Variants in GRIK1 observed in about 807,000 individuals in gnomAD.
GRIK1 encodes glutamate receptor ionotropic, kainate 1.
Under a neutral mutation model 105.7 loss-of-function variants are expected in GRIK1, and 69 were observed. The ratio of observed to expected loss-of-function variants is 0.65; its 90% confidence interval spans 0.54 to 0.80. The LOEUF (loss-of-function observed/expected upper bound fraction) is 0.80. Among genes scored for constraint, GRIK1 ranks in the 30% least tolerant of loss-of-function variants. The pLI is 0.00. For missense variants in GRIK1, 1,109 were observed against 1,167.3 expected, an observed-to-expected ratio of 0.95 and a Z score of 0.73; for synonymous variants, 438 against 431.3, an observed-to-expected ratio of 1.02 and a Z score of -0.19.
At chr21:29,557,067 A>C (rs1342522518) in intron 15 of GRIK1, among the ~76,000 whole-genome samples, 1 of 152,168 alleles carries the variant, frequency 6.6e-6, no homozygotes, top group African/African-American at 2.4e-5. Flanking sequence ...AAGGGTTGGA[A>C]AGTGCCAACA....
chr21:29,587,461 G>T lies in GRIK1; in HGVS notation c.1698C>A (p.Gly566=). 6.2e-7 allele frequency: 1 copy of T among 1,613,070 alleles called. No homozygotes were observed. The highest frequency in any genetic ancestry group is 8.5e-7 in the Non-Finnish European group (1 of 1,179,092). The change falls in exon 12 of 18, where the codon GGC becomes GGA. Residue 566 remains glycine (G), a synonymous_variant. Coordinates refer to ENST00000327783, the MANE Select transcript of GRIK1 (RefSeq NM_001330994.2). ...LYRKPNGTNP[G]VFSFLNPLSP... ...ACAGGGGGTTGAGGAAGGAGAAAAC[G>T]CCTGGATTGGTACCATTGGGCTTCC... is the stretch of plus-strand genomic sequence containing the variant.
intron 1 of GRIK1, among the ~76,000 whole-genome samples, chr21:29,801,352 G>T (rs979319087): frequency 6.6e-6 from 1 of 151,676 alleles, no homozygotes; most frequent in Non-Finnish European, 1.5e-5. Flanking sequence ...TAGCTGACAC[G>T]GTCCAAAAAG....
intron 1 of GRIK1, among the ~76,000 whole-genome samples, chr21:29,878,268 A>G (rs759024913): frequency 1.2e-4 from 19 of 152,176 alleles, no homozygotes; most frequent in Non-Finnish European, 2.2e-4. Context: ...GCAAGGGTTA[A>G]TAAGGAAGTG....
At chr21:29,611,298 T>C (rs1257559760) in intron 7 of GRIK1, among the ~76,000 whole-genome samples, 6 of 152,168 alleles carry the variant, frequency 3.9e-5, no homozygotes, top group Non-Finnish European at 8.8e-5. Flanking sequence ...GTACAGAAGA[T>C]GACCTCAAAG....
At chr21:29,768,579 C>A (rs926909582) in intron 1 of GRIK1, among the ~76,000 whole-genome samples, 1 of 152,156 alleles carries the variant, frequency 6.6e-6, no homozygotes, top group Admixed American at 6.5e-5. Context: ...TCACTCCCAT[C>A]GGTTAAGAAT....
chr21:29,683,341 A>G (rs1460084148), intron 3 of GRIK1, among the ~76,000 whole-genome samples: 1 of 152,230 alleles, frequency 6.6e-6, no homozygotes, highest in Non-Finnish European at 1.5e-5. Flanking sequence ...TCATTACAGC[A>G]CTATTCACAA....
chr21:29,544,532 G>C (rs1039595884), intron 16 of GRIK1, among the ~76,000 whole-genome samples: 3 of 152,176 alleles, frequency 2.0e-5, no homozygotes, highest in South Asian at 4.2e-4. Context: ...CACTTTTCAA[G>C]TTACAGCAAG....
intron 1 of GRIK1, among the ~76,000 whole-genome samples, chr21:29,904,265 G>C (rs1215870327): frequency 6.6e-6 from 1 of 151,316 alleles, no homozygotes; most frequent in Non-Finnish European, 1.5e-5. Flanking sequence ...AGAACTTAAA[G>C]TATAATAATC....
At chr21:29,688,560 A>G (rs538923049) in intron 3 of GRIK1, among the ~76,000 whole-genome samples, 2 of 152,238 alleles carry the variant, frequency 1.3e-5, no homozygotes, top group Non-Finnish European at 2.9e-5. Context: ...TATTCTATCC[A>G]TGTGGAATTA....
intron 1 of GRIK1, among the ~76,000 whole-genome samples, chr21:29,821,384 G>T (rs1482758011): frequency 6.6e-6 from 1 of 152,016 alleles, no homozygotes; most frequent in African/African-American, 2.4e-5. Context: ...TTCTTGTAGT[G>T]TTGTGACATT....
At chr21:29,895,008 A>T (rs531192933) in intron 1 of GRIK1, among the ~76,000 whole-genome samples, 1 of 152,212 alleles carries the variant, frequency 6.6e-6, no homozygotes, top group Non-Finnish European at 1.5e-5. Context: ...CAAATATTCA[A>T]TTAAGATGCT....
intron 1 of GRIK1, among the ~76,000 whole-genome samples, chr21:29,846,700 TGAGAAGG>T (rs3054374): frequency 0.31 from 47,362 of 151,646 alleles, 7,880 homozygotes; most frequent in East Asian, 0.46. Context: ...GCTTAAAGAA[TGAGAAGG>T]GAGAAGGTAT....
chr21:29,893,320 GA>G (rs926756294), intron 1 of GRIK1, among the ~76,000 whole-genome samples: 2 of 152,092 alleles, frequency 1.3e-5, no homozygotes, highest in African/African-American at 4.8e-5. Flanking sequence ...ACAAAATAGA[GA>G]TAAGTATGGT....
chr21:29,569,835 C>A (rs1185714134), intron 14 of GRIK1, among the ~76,000 whole-genome samples: 2 of 152,138 alleles, frequency 1.3e-5, no homozygotes, highest in Admixed American at 1.3e-4. Flanking sequence ...TTTCTGACTT[C>A]CTGTGGGAGA....
intron 6 of GRIK1, among the ~76,000 whole-genome samples, chr21:29,643,348 C>T (rs1601353408): frequency 6.6e-6 from 1 of 152,168 alleles, no homozygotes; most frequent in Non-Finnish European, 1.5e-5. Flanking sequence ...AGATTTGTTT[C>T]TCAGCATTTG....
At chr21:29,779,066 G>C (rs1227695615) in intron 1 of GRIK1, among the ~76,000 whole-genome samples, 1 of 152,170 alleles carries the variant, frequency 6.6e-6, no homozygotes, top group Non-Finnish European at 1.5e-5. Context: ...CTCACAGATA[G>C]GCTACCCAGC....
intron 1 of GRIK1, among the ~76,000 whole-genome samples, chr21:29,933,398 C>G (rs2146366395): frequency 6.6e-6 from 1 of 152,242 alleles, no homozygotes; most frequent in Admixed American, 6.5e-5. Context: ...ACATTAATAG[C>G]TACGATTCAA....
chr21:29,871,515 G>A (rs2069010673), intron 1 of GRIK1, among the ~76,000 whole-genome samples: 1 of 152,122 alleles, frequency 6.6e-6, no homozygotes, highest in Non-Finnish European at 1.5e-5. Flanking sequence ...TTTTCACTAT[G>A]TAAGTGGACC....
chr21:29,761,782 T>C (rs1483652281), intron 1 of GRIK1, among the ~76,000 whole-genome samples: 3 of 149,358 alleles, frequency 2.0e-5, no homozygotes, highest in African/African-American at 4.9e-5. Flanking sequence ...AGTTTAGCTC[T>C]TGTTGCCCAG....
Sources: allele counts gnomAD v4.1 joint callset (sites outside exome capture counted in the v4.1 genomes callset), GRCh38; gene constraint gnomAD v4.1.1; transcripts MANE v1.5; gene names NCBI Gene and HGNC (gene_info 2026-07-23, HGNC 2026-07-21).